CELF4: variants seen among roughly 807,000 people sequenced by gnomAD.
The protein encoded by CELF4 is CUGBP Elav-like family member 4.
A neutral mutation model predicts 59.9 loss-of-function variants in CELF4; 18 were observed. That is an observed-to-expected ratio of 0.30 (90% CI 0.21 to 0.45). The LOEUF is 0.45. Ranked by LOEUF, CELF4 falls within the 20% of genes least tolerant of loss-of-function variation. CELF4 has a pLI of 1.00. For synonymous variants in CELF4, 261 were observed against 267.1 expected, an observed-to-expected ratio of 0.98 and a Z score of 0.22; for missense variants, 456 against 689.0, an observed-to-expected ratio of 0.66 and a Z score of 3.79.
At chr18:37,554,928 G>A (rs533619924) in intron 1 of CELF4, among the ~76,000 whole-genome samples, 1 of 152,292 alleles carries the variant, frequency 6.6e-6, no homozygotes, top group South Asian at 2.1e-4. Context: ...CTGAAAGTAA[G>A]CCTCAGTGAG....
At position 37,270,864 on chromosome 18, in the gene CELF4, G is replaced by A; in HGVS notation, c.1003C>T (p.Pro335Ser). ...CCGGTGAAGCCATTCACCCCAATGG[G>A]GGATGGGATGCTAGGCACGGCTGGT... ...TAPAVPSIPS[P>S]IGVNGFTGLP... Residue 335 changes from proline to serine, a missense_variant, in exon 8 of 13, where the codon CCC becomes TCC. By Grantham distance (74) the Pro-to-Ser change is moderately conservative. This residue lies in a region of CELF4 where 256 missense variants were observed against 340.8 expected (regional missense o/e 0.75). Coordinates refer to ENST00000420428, the MANE Select transcript of CELF4 (RefSeq NM_020180.4). The A allele has an allele frequency of 6.2e-7, 1 of 1,613,486 alleles. No homozygotes were observed. Among genetic ancestry groups the A allele is most frequent in the Non-Finnish European group, 8.5e-7 (1 of 1,179,820 alleles).
intron 1 of CELF4, among the ~76,000 whole-genome samples, chr18:37,500,537 C>CTT (rs10714673): frequency 1.0e-4 from 10 of 98,938 alleles, no homozygotes; most frequent in South Asian, 3.0e-4. Context: ...TTTTCTTTTT[C>CTT]TTTTTTTTTT....
chr18:37,329,102 A>G (rs1229382990), intron 2 of CELF4, among the ~76,000 whole-genome samples: 1 of 147,262 alleles, frequency 6.8e-6, no homozygotes. Flanking sequence ...TTAAATGCAA[A>G]TATCAGGGCA....
chr18:37,444,291 C>T (rs1421193825), intron 2 of CELF4, among the ~76,000 whole-genome samples: 1 of 151,984 alleles, frequency 6.6e-6, no homozygotes, highest in African/African-American at 2.4e-5. Context: ...CCTAGCATCC[C>T]CGTCCTGGAC....
At chr18:37,316,120 A>T (rs2096860879) in intron 3 of CELF4, among the ~76,000 whole-genome samples, 1 of 151,898 alleles carries the variant, frequency 6.6e-6, no homozygotes. Context: ...CATGAGCAAG[A>T]CCCCAGCATG....
At chr18:37,315,040 G>A (rs141485023) in intron 3 of CELF4, among the ~76,000 whole-genome samples, 186 of 145,838 alleles carry the variant, frequency 1.3e-3, no homozygotes, top group African/African-American at 4.4e-3. Context: ...GTGTGTGTCT[G>A]TGTGTCGTGT....
intron 2 of CELF4, among the ~76,000 whole-genome samples, chr18:37,378,055 T>A (rs987046126): frequency 1.3e-5 from 2 of 152,046 alleles, no homozygotes; most frequent in Non-Finnish European, 2.9e-5. Context: ...TCGTGCTGGG[T>A]AGGGGAAGAT....
At chr18:37,551,957 A>AAAACAAAACACAATGGAAAG (rs1429483719) in intron 1 of CELF4, among the ~76,000 whole-genome samples, 2 of 152,226 alleles carry the variant, frequency 1.3e-5, no homozygotes, top group African/African-American at 2.4e-5. Flanking sequence ...CAGAGGGACA[A>AAAACAAAACACAATGGAAAG]AAACAAAACA....
At chr18:37,352,966 A>C (rs2098474080) in intron 2 of CELF4, among the ~76,000 whole-genome samples, 2 of 152,054 alleles carry the variant, frequency 1.3e-5, no homozygotes, top group Non-Finnish European at 2.9e-5. Flanking sequence ...TCACGCCTGT[A>C]ATCCCAGCAC....
At chr18:37,331,084 A>G (rs529411049) in intron 2 of CELF4, among the ~76,000 whole-genome samples, 2 of 152,224 alleles carry the variant, frequency 1.3e-5, no homozygotes, top group East Asian at 3.9e-4. Flanking sequence ...TTGGGTCAGG[A>G]CACATACCGG....
At chr18:37,444,722 T>C (rs2099743411) in intron 2 of CELF4, among the ~76,000 whole-genome samples, 1 of 150,448 alleles carries the variant, frequency 6.6e-6, no homozygotes, top group Non-Finnish European at 1.5e-5. Flanking sequence ...AGTTCCTGGG[T>C]ATGGGGTGTT....
chr18:37,250,786 A>G (rs1212754309), intron 12 of CELF4, among the ~76,000 whole-genome samples: 1 of 152,212 alleles, frequency 6.6e-6, no homozygotes, highest in Non-Finnish European at 1.5e-5. Context: ...ACCGCCTTCT[A>G]TTAGAGCTTC....
At chr18:37,288,921 T>C (rs1285050964) in intron 3 of CELF4, among the ~76,000 whole-genome samples, 5 of 152,188 alleles carry the variant, frequency 3.3e-5, no homozygotes, top group Non-Finnish European at 7.3e-5. Context: ...TTGGTTACCG[T>C]GAAATTCCTT....
intron 1 of CELF4, among the ~76,000 whole-genome samples, chr18:37,554,956 C>A (rs1020860600): frequency 1.3e-5 from 2 of 152,190 alleles, no homozygotes; most frequent in African/African-American, 4.8e-5. Flanking sequence ...TTTCTGAAGT[C>A]CAAGATATTC....
chr18:37,412,809 C>T (rs2099485195), intron 2 of CELF4, among the ~76,000 whole-genome samples: 1 of 151,810 alleles, frequency 6.6e-6, no homozygotes, highest in Non-Finnish European at 1.5e-5. Context: ...CAGAGATGGC[C>T]TCAGGGCCAC....
At chr18:37,485,860 C>T (rs1263214130) in intron 1 of CELF4, 1 of 334,436 alleles carries the variant, frequency 3.0e-6, no homozygotes, top group African/African-American at 2.1e-5. Flanking sequence ...ATCTTCCCCC[C>T]ACCACACCCC....
chr18:37,554,805 G>A (rs527663261), intron 1 of CELF4, among the ~76,000 whole-genome samples: 18 of 152,278 alleles, frequency 1.2e-4, no homozygotes, highest in South Asian at 4.1e-4. Context: ...GGCCAGGGAC[G>A]TCCTGAGACA....
At chr18:37,332,466 C>T (rs907921608) in intron 2 of CELF4, among the ~76,000 whole-genome samples, 2 of 152,122 alleles carry the variant, frequency 1.3e-5, no homozygotes, top group South Asian at 2.1e-4. Flanking sequence ...GGTGGGCTGG[C>T]GGGGGCTGCC....
intron 2 of CELF4, among the ~76,000 whole-genome samples, chr18:37,361,303 C>T (rs927586031): frequency 1.3e-5 from 2 of 152,114 alleles, no homozygotes; most frequent in Non-Finnish European, 2.9e-5. Flanking sequence ...ATTAAAGTCG[C>T]TAAATGGGGT....
Sources: allele counts gnomAD v4.1 joint callset (sites outside exome capture counted in the v4.1 genomes callset), GRCh38; gene constraint gnomAD v4.1.1; regional missense constraint gnomAD v4.1.1; transcripts MANE v1.5; gene names NCBI Gene and HGNC (gene_info 2026-07-23, HGNC 2026-07-21).